The following SLC12A9 variants were observed in gnomAD, a reference collection of about 807,000 sequenced individuals.
SLC12A9 encodes CCC-interacting protein 1.
SLC12A9 carries 55 observed loss-of-function variants against 66.0 expected under a neutral mutation model. The ratio of observed to expected loss-of-function variants is 0.83; its 90% CI spans 0.67 to 1.04. The LOEUF is 1.04. SLC12A9 is among the 50% of genes least tolerant of loss of function. The probability of loss-of-function intolerance (pLI) is 0.00; values close to 1 mark genes in which losing one functional copy is unlikely to be tolerated. For synonymous variants in SLC12A9, 577 were observed against 569.0 expected, an observed-to-expected ratio of 1.01 and a Z score of -0.20; for missense variants, 1,061 against 1,241.9, an observed-to-expected ratio of 0.85 and a Z score of 2.19.
chr7:100,858,709 G>T, intron 5 of SLC12A9, 126 bp from the exon 6 acceptor site: 1 of 815,660 alleles, frequency 1.2e-6, no homozygotes. Context: ...GAACAGGCTG[G>T]GGTCTTAGTG....
intron 1 of SLC12A9, among the ~76,000 whole-genome samples, chr7:100,834,835 T>C (rs1168602343): frequency 6.6e-6 from 1 of 152,058 alleles, no homozygotes; most frequent in East Asian, 1.9e-4. Context: ...ACCACTGCAT[T>C]CCAGTCTGGG....
chr7:100,851,320 G>A (rs1814068160), upstream of SLC12A9, among the ~76,000 whole-genome samples: 1 of 152,224 alleles, frequency 6.6e-6, no homozygotes, highest in East Asian at 1.9e-4. Context: ...CAAAACCACA[G>A]ACTAACAAGG....
chr7:100,844,717 C>T (rs1249439562), intron 1 of SLC12A9, among the ~76,000 whole-genome samples: 2 of 152,110 alleles, frequency 1.3e-5, no homozygotes, highest in Non-Finnish European at 2.9e-5. Flanking sequence ...TAACCAATCC[C>T]CTTGATCCTC....
At chr7:100,830,454 G>A (rs141834716) in intron 1 of SLC12A9, among the ~76,000 whole-genome samples, 40 of 152,138 alleles carry the variant, frequency 2.6e-4, no homozygotes, top group African/African-American at 9.4e-4. Flanking sequence ...TGAGAGGATC[G>A]TTTCAGTCCA....
At chr7:100,841,998 C>T (rs965840824) in intron 1 of SLC12A9, among the ~76,000 whole-genome samples, 8 of 151,922 alleles carry the variant, frequency 5.3e-5, no homozygotes, top group South Asian at 4.2e-4. Context: ...CTAGAATTTC[C>T]GGTAAACCAG....
chr7:100,849,541 C>T (rs1298987146), upstream of SLC12A9, among the ~76,000 whole-genome samples: 1 of 151,870 alleles, frequency 6.6e-6, no homozygotes, highest in East Asian at 2.0e-4. Flanking sequence ...CATGGTGAAA[C>T]CCTGTCTCTG....
chr7:100,861,094 A>C lies in SLC12A9; in HGVS notation c.1219-44A>C. ...GTGTTCACTGGCATTTTGGGGGTGC[A>C]CTGGCACTTTGGAACAACGGCACGC... is the stretch of plus-strand genomic sequence containing the variant. On this transcript the variant is annotated intron_variant, in intron 9 of 13. Transcript: ENST00000354161. The surrounding 1 kb of genome is among the most constrained non-coding windows in gnomAD (Gnocchi z 5.3). 6.2e-7 allele frequency: 1 copy of C among 1,613,792 alleles called. No individual in the cohort carries two copies. The highest frequency in any genetic ancestry group is 8.5e-7 in the Non-Finnish European group (1 of 1,179,918).
At chr7:100,859,421 C>G in intron 7 of SLC12A9, 1 of 503,520 alleles carries the variant, frequency 2.0e-6, no homozygotes, top group Non-Finnish European at 3.6e-6. Context: ...GTGCATATAC[C>G]ATTAGGTATG....
intron 1 of SLC12A9, among the ~76,000 whole-genome samples, chr7:100,840,566 C>A (rs893232112): frequency 5.3e-5 from 8 of 151,316 alleles, no homozygotes; most frequent in South Asian, 2.1e-4. Flanking sequence ...CAAAGAAAGA[C>A]CAGCAGAAAG....
At chr7:100,826,888 T>A (rs1813413766) in exon 1 of SLC12A9, 39 of 1,423,920 alleles carry the variant, frequency 2.7e-5, no homozygotes, top group Middle Eastern at 3.7e-4. Context: ...GTAGGGGTAG[T>A]CAGAGGCCGG....
chr7:100,841,082 T>C (rs1554424362), intron 1 of SLC12A9, among the ~76,000 whole-genome samples: 1 of 152,070 alleles, frequency 6.6e-6, no homozygotes, highest in African/African-American at 2.4e-5. Flanking sequence ...AAAAAAGAAT[T>C]TTTTTTCCTT....
At position 100,845,228 on chromosome 7, in the gene SLC12A9, C is replaced by A. The variant is rs371250032; in HGVS notation, n.229-14657C>A. Among the ~76,000 whole-genome samples the A allele has an allele frequency of 5.6e-4, 85 of 151,040 alleles. 1 individual carries two copies. Among genetic ancestry groups the A allele is most frequent in the African/African-American group, 2.1e-3 (85 of 41,142 alleles). ...AAGTTGCGGACCGTTTAGGCCCACCCAGAATCCCACCAGGACTGGACGGCC... is the reference window on the plus strand; with the variant it reads ...AAGTTGCGGACCGTTTAGGCCCACCAAGAATCCCACCAGGACTGGACGGCC... On this transcript the variant is annotated intron_variant and non_coding_transcript_variant, in intron 1 of 1. Coordinates refer to the SLC12A9 transcript ENST00000461016.
In SLC12A9 at chr7:100,866,554, C is replaced by G. The variant is rs773076940; in HGVS notation, c.2694C>G (p.Gly898=). Residue 898 remains glycine (G), a synonymous_variant, in exon 14 of 14, where the codon GGC becomes GGG. Coordinates refer to ENST00000354161, the MANE Select transcript of SLC12A9 (RefSeq NM_020246.4). The surrounding 1 kb of genome is among the most constrained non-coding windows in gnomAD (Gnocchi z 7.3). Reference sequence around the variant, plus strand: ...TGGAGACTCTAACCCGAGACCTGGGCCCCACGCTGCTGGTTCATGGGGTCA... The same window carrying G: ...TGGAGACTCTAACCCGAGACCTGGGGCCCACGCTGCTGGTTCATGGGGTCA... The part of the protein sequence containing the change: ...ALLETLTRDL[G]PTLLVHGVTP... 1 of 1,587,504 alleles carries G rather than the reference C, an allele frequency of 6.3e-7. No individual in the cohort carries two copies. The highest frequency in any genetic ancestry group is 8.6e-7 in the Non-Finnish European group (1 of 1,168,154).
chr7:100,865,480 G>C, intron 13 of SLC12A9: 2 of 1,533,126 alleles, frequency 1.3e-6, no homozygotes, highest in South Asian at 2.4e-5. Context: ...GGCGAACTTT[G>C]CCTGTTTAAG....
intron 1 of SLC12A9, among the ~76,000 whole-genome samples, chr7:100,842,321 C>T (rs567791324): frequency 6.6e-6 from 1 of 152,124 alleles, no homozygotes; most frequent in Non-Finnish European, 1.5e-5. Flanking sequence ...TCAATTTCTC[C>T]TCAAACTATT....
rs1193344002 is a variant in SLC12A9 at position 100,861,524 on chromosome 7, C to T, written c.1476C>T (p.Leu492=). The T allele has an allele frequency of 1.9e-6, 3 of 1,613,852 alleles. No homozygotes were observed. Among genetic ancestry groups the T allele is most frequent in the Middle Eastern group, 1.7e-4 (1 of 5,986 alleles). ...TCATGGGTCTGCTGGCTGCCCTGCT[C>T]ACCGCGCGAGGAGGCCCCAGTAGCT... ...LLLMGLLAAL[L]TARGGPSSWG... Residue 492 remains leucine (L), a synonymous_variant, in exon 11 of 14, where the codon CTC becomes CTT. Transcript: ENST00000354161. The surrounding 1 kb of genome is among the most constrained non-coding windows in gnomAD (Gnocchi z 5.3).
intron 1 of SLC12A9, among the ~76,000 whole-genome samples, chr7:100,831,131 C>T (rs771915118): frequency 1.8e-4 from 28 of 152,162 alleles, no homozygotes; most frequent in Non-Finnish European, 3.4e-4. Context: ...TCGGTACTTG[C>T]GCATAGCATC....
At chr7:100,829,366 G>C (rs1241418645) in intron 1 of SLC12A9, among the ~76,000 whole-genome samples, 1 of 152,312 alleles carries the variant, frequency 6.6e-6, no homozygotes, top group East Asian at 1.9e-4. Context: ...AGGATGCTTG[G>C]GGGGCTGCCA....
chr7:100,864,767 A>G (rs1442645650), intron 13 of SLC12A9, among the ~76,000 whole-genome samples: 1 of 152,228 alleles, frequency 6.6e-6, no homozygotes, highest in East Asian at 1.9e-4. Flanking sequence ...TATCAGTAAA[A>G]AGAGGAGACT....
Sources: gnomAD v4.1 joint callset for allele counts (sites outside exome capture counted in the v4.1 genomes callset) on GRCh38, gnomAD v4.1.1 for gene constraint, Gnocchi (gnomAD v3.1) non-coding constraint, MANE v1.5 for transcripts, NCBI Gene and HGNC (gene_info 2026-07-23, HGNC 2026-07-21) for gene names.